The following WASF3 variants were observed in gnomAD, a reference collection of about 807,000 sequenced individuals.
WASF3 encodes actin-binding protein WASF3.
A neutral mutation model predicts 46.6 loss-of-function variants in WASF3; 11 were observed. The ratio of observed to expected loss-of-function variants is 0.24; its 90% CI spans 0.15 to 0.39. The LOEUF is 0.39. WASF3 is among the 10% of genes least tolerant of loss of function. The pLI is 1.00. For synonymous variants in WASF3, 242 were observed against 259.7 expected, an observed-to-expected ratio of 0.93 and a Z score of 0.65; for missense variants, 576 against 669.8, an observed-to-expected ratio of 0.86 and a Z score of 1.55.
At chr13:26,603,335 T>C (rs1880697935) in intron 1 of WASF3, among the ~76,000 whole-genome samples, 1 of 152,146 alleles carries the variant, frequency 6.6e-6, no homozygotes. Context: ...TTCCAGCACC[T>C]GAACAGGAAC....
rs373084396 is a variant in WASF3 at position 26,682,909 on chromosome 13, G to A, written c.1286G>A (p.Arg429Gln). 1.1e-5 allele frequency: 18 copies of A among 1,610,622 alleles called. No individual in the cohort carries two copies. Among genetic ancestry groups the A allele is most frequent in the African/African-American group, 2.7e-5 (2 of 74,824 alleles). The change falls in exon 9 of 10, where the codon CGG (arginine) becomes CAG (glutamine). Residue 429 changes from arginine (R) to glutamine (Q), a missense_variant. Arg to Gln is a conservative substitution (Grantham distance 43). Transcript: ENST00000335327. This position sits in a 1 kb window ranked among gnomAD's most constrained non-coding sequence, Gnocchi z 4.4. ...MHGPPVAEAK[R>Q]QEPAQPPISD... ...GGCCCCCCAGTAGCTGAGGCGAAGC[G>A]GCAAGAGCCTGCACAGCCACCAATC...
intron 6 of WASF3, among the ~76,000 whole-genome samples, chr13:26,676,200 T>C (rs1356367099): frequency 6.6e-6 from 1 of 152,228 alleles, no homozygotes; most frequent in African/African-American, 2.4e-5. Context: ...TTTCTCTTTA[T>C]GGTGTTTCCA....
At chr13:26,581,800 C>A (rs1879987133) in intron 1 of WASF3, among the ~76,000 whole-genome samples, 1 of 152,148 alleles carries the variant, frequency 6.6e-6, no homozygotes, top group Non-Finnish European at 1.5e-5. Context: ...TAGAAGGCAT[C>A]ATTTGGAGTA....
At chr13:26,587,274 T>G (rs1038310978) in intron 1 of WASF3, among the ~76,000 whole-genome samples, 1 of 121,278 alleles carries the variant, frequency 8.2e-6, no homozygotes, top group African/African-American at 2.7e-5. Context: ...CTAAACTCTG[T>G]TTTTTTTTTT....
Position 26,675,674 on chromosome 13 carries a change from T to TGTGTGTGTGTGTGTGTG in WASF3, c.541-875_541-874insGTGTGTGTGTGTGTGTG, listed in dbSNP as rs1555255552. Among the ~76,000 whole-genome samples the TGTGTGTGTGTGTGTGTG allele has an allele frequency of 1.2e-4, 8 of 67,152 alleles. 1 individual carries two copies. The South Asian group carries it at 3.9e-3, about 33-fold the overall frequency. The allele number at this position is 67,152 out of a possible 152,430, so 44.1% of individuals were successfully genotyped here. On this transcript the variant is annotated intron_variant, in intron 6 of 9. Coordinates refer to ENST00000335327, the MANE Select transcript of WASF3 (RefSeq NM_006646.6). ...TCTGTGTGTGTGTGTGTGTGTGTGT[T>TGTGTGTGTGTGTGTGTG]TGCCATTTGTGTTGTCAGTGCCTGG...
At chr13:26,553,592 C>A (rs972398262), upstream of WASF3, among the ~76,000 whole-genome samples, 1 of 151,766 alleles carries the variant, frequency 6.6e-6, no homozygotes, top group African/African-American at 2.4e-5. Context: ...CCGAGGCGGG[C>A]GGATCATGAG....
chr13:26,607,739 G>A lies in WASF3; in HGVS notation c.-108-5222G>A, dbSNP rs557170159. Among the ~76,000 whole-genome samples, 9 of 152,164 alleles carry A rather than the reference G, an allele frequency of 5.9e-5. No homozygotes were observed. The East Asian group carries it at 1.7e-3, about 29-fold the overall frequency. On this transcript the variant is annotated intron_variant, in intron 1 of 9. Transcript: ENST00000335327. ...CAGTGTCAGCCTCCCGGGCTCAGGT[G>A]ATCCTCCTGCTTCAGCCTTCTGAGT...
chr13:26,649,830 C>T (rs890989969), intron 3 of WASF3, among the ~76,000 whole-genome samples: 17 of 152,124 alleles, frequency 1.1e-4, no homozygotes, highest in South Asian at 6.2e-4. Context: ...CCTGTAATCC[C>T]GGCACTTTGG....
intron 1 of WASF3, among the ~76,000 whole-genome samples, chr13:26,558,482 G>T (rs1473966740): frequency 1.8e-5 from 2 of 108,792 alleles, no homozygotes; most frequent in Middle Eastern, 4.6e-3. Context: ...CGCGCACGGA[G>T]CCGCGGCGCG....
intron 2 of WASF3, among the ~76,000 whole-genome samples, chr13:26,625,873 A>AAGCTCTAG (rs1490831848): frequency 1.3e-5 from 2 of 152,314 alleles, no homozygotes; most frequent in Admixed American, 6.5e-5. Context: ...TATCTATAGT[A>AAGCTCTAG]AGCTCTAGAG....
chr13:26,672,074 A>C (rs755404111), intron 6 of WASF3, 85 bp downstream of exon 6: 430 of 1,116,118 alleles, frequency 3.9e-4, no homozygotes, highest in Non-Finnish European at 5.4e-4. Flanking sequence ...TAAATGGTTG[A>C]GATATTGGAT....
intron 2 of WASF3, among the ~76,000 whole-genome samples, chr13:26,635,757 A>G (rs906382497): frequency 6.6e-6 from 1 of 152,232 alleles, no homozygotes; most frequent in Non-Finnish European, 1.5e-5. Flanking sequence ...CCTCAGCTGC[A>G]GGTCTGTTGG....
the WASF3 span, among the ~76,000 whole-genome samples, chr13:26,546,799 G>T: frequency 2.6e-5 from 4 of 152,200 alleles, no homozygotes; most frequent in Non-Finnish European, 5.9e-5. Flanking sequence ...GATTTGGCCC[G>T]CTGGCTCCAG....
intron 4 of WASF3, among the ~76,000 whole-genome samples, chr13:26,666,019 AT>A: frequency 6.6e-6 from 1 of 152,158 alleles, no homozygotes; most frequent in East Asian, 1.9e-4. Flanking sequence ...TAATGCTTTT[AT>A]TTTTTAAAAA....
chr13:26,585,898 A>G (rs1425462955), intron 1 of WASF3, among the ~76,000 whole-genome samples: 1 of 152,206 alleles, frequency 6.6e-6, no homozygotes, highest in African/African-American at 2.4e-5. Context: ...ATGGTGCTGT[A>G]GAAAACTTAC....
intron 2 of WASF3, among the ~76,000 whole-genome samples, chr13:26,632,426 T>A (rs1427782367): frequency 6.6e-6 from 1 of 152,194 alleles, no homozygotes; most frequent in Non-Finnish European, 1.5e-5. Flanking sequence ...TCTATTGAGG[T>A]AATCATGTGG....
chr13:26,585,879 T>C (rs1252245037), intron 1 of WASF3, among the ~76,000 whole-genome samples: 1 of 152,180 alleles, frequency 6.6e-6, no homozygotes, highest in Non-Finnish European at 1.5e-5. Flanking sequence ...GTGGAGGTAA[T>C]AGCTGAGGAT....
At chr13:26,636,393 CCT>C (rs1294691565) in intron 2 of WASF3, among the ~76,000 whole-genome samples, 2 of 152,160 alleles carry the variant, frequency 1.3e-5, no homozygotes, top group African/African-American at 4.8e-5. Flanking sequence ...GCGGAAGTGC[CCT>C]GTTTTTCCAG....
intron 1 of WASF3, 51 bp from the exon 2 acceptor site, chr13:26,612,910 C>G (rs1037910483): frequency 1.3e-5 from 2 of 152,126 alleles, no homozygotes; most frequent in Non-Finnish European, 2.9e-5. Flanking sequence ...TTCTTGAAGA[C>G]TTGAATGCAT....
Sources: allele counts gnomAD v4.1 joint callset (sites outside exome capture counted in the v4.1 genomes callset), GRCh38; gene constraint gnomAD v4.1.1; non-coding constraint Gnocchi (gnomAD v3.1); transcripts MANE v1.5; gene names NCBI Gene and HGNC (gene_info 2026-07-23, HGNC 2026-07-21).